The following CCPG1 variants were observed in gnomAD, a reference collection of about 807,000 sequenced individuals.
CCPG1 encodes the protein cell cycle progression protein 1.
In CCPG1, 46 loss-of-function variants were observed where a neutral mutation model predicts 81.3. That is an observed-to-expected ratio of 0.57 (90% CI 0.45 to 0.72). CCPG1 has a LOEUF of 0.72. Ranked by LOEUF, CCPG1 falls within the 30% of genes least tolerant of loss-of-function variation. The pLI, the probability that CCPG1 is intolerant of heterozygous loss-of-function variation, is 0.00. For synonymous variants in CCPG1, 330 were observed against 305.2 expected, an observed-to-expected ratio of 1.08 and a Z score of -0.85; for missense variants, 902 against 937.6, an observed-to-expected ratio of 0.96 and a Z score of 0.50.
chr15:55,365,429 T>C (rs563100707), intron 6 of CCPG1, 120 bp from the exon 7 acceptor site: 3 of 639,356 alleles, frequency 4.7e-6, no homozygotes, highest in East Asian at 6.4e-5. Flanking sequence ...GTTTTTTTTT[T>C]TTGTTTTTTT....
chr15:55,358,098 C>G (rs1319194500), intron 8 of CCPG1: 1 of 152,382 alleles, frequency 6.6e-6, no homozygotes, highest in Non-Finnish European at 1.5e-5. Flanking sequence ...TTAATAATGA[C>G]CCCAAAATAC....
intron 5 of CCPG1, among the ~76,000 whole-genome samples, chr15:55,374,486 C>T (rs201962526): frequency 6.6e-6 from 1 of 151,766 alleles, no homozygotes; most frequent in South Asian, 2.1e-4. Context: ...CTTAACCCAA[C>T]AAAACGTACA....
At chr15:55,357,216 A>G in intron 8 of CCPG1, 1 of 893,132 alleles carries the variant, frequency 1.1e-6, no homozygotes, top group African/African-American at 2.1e-5. Flanking sequence ...TGAATTCCCT[A>G]TCTCAGTGGT....
At chr15:55,366,059 T>C (rs2056320640) in intron 6 of CCPG1, among the ~76,000 whole-genome samples, 1 of 152,224 alleles carries the variant, frequency 6.6e-6, no homozygotes, top group Non-Finnish European at 1.5e-5. Flanking sequence ...AAAACATTTA[T>C]TTACATACAC....
chr15:55,378,384 A>G lies in CCPG1; in HGVS notation c.176-8T>C. The G allele has an allele frequency of 1.3e-6, 2 of 1,573,366 alleles. No individual in the cohort carries two copies. Among genetic ancestry groups the G allele is most frequent in the Middle Eastern group, 1.9e-4 (1 of 5,336 alleles). Reference sequence around the variant, plus strand: ...TGCCATTTTGGCTGCTTTCTGATATAAAGCAAAGATCAATATAATTATTTC... The same window carrying G: ...TGCCATTTTGGCTGCTTTCTGATATGAAGCAAAGATCAATATAATTATTTC... On this transcript the variant is annotated splice_polypyrimidine_tract_variant and splice_region_variant and intron_variant, in intron 3 of 8. Transcript: ENST00000442196.
intron 5 of CCPG1, 133 bp downstream of exon 5, chr15:55,376,816 C>A (rs2056575566): frequency 1.5e-6 from 1 of 657,376 alleles, no homozygotes; most frequent in African/African-American, 1.8e-5. Flanking sequence ...ATTTCACACA[C>A]AAAAATAGTC....
At chr15:55,381,635 C>A (rs140966390) in intron 3 of CCPG1, among the ~76,000 whole-genome samples, 2 of 152,254 alleles carry the variant, frequency 1.3e-5, no homozygotes, top group East Asian at 3.9e-4. Flanking sequence ...CTATTTCTGG[C>A]CTTGACACAT....
chr15:55,399,363 C>G lies in CCPG1; in HGVS notation c.-10+8858G>C, dbSNP rs76887460. Among the ~76,000 whole-genome samples, 1,133 of 141,904 alleles carry G rather than the reference C, an allele frequency of 8.0e-3. 13 individuals carry two copies. Among genetic ancestry groups the G allele is most frequent in the African/African-American group, 0.026 (956 of 37,418 alleles). 93.1% of individuals were successfully genotyped at this position (141,904 alleles called of 152,430 possible). ...AAAAGATCAACTGTCAGGTCGGGTA[C>G]AGTTCCAGATTAGCCTGGCCAACAT... On this transcript the variant is annotated intron_variant, in intron 1 of 8. Transcript: ENST00000442196.
At chr15:55,387,125 G>A (rs1173970025) in intron 2 of CCPG1, among the ~76,000 whole-genome samples, 1 of 152,126 alleles carries the variant, frequency 6.6e-6, no homozygotes, top group Admixed American at 6.6e-5. Flanking sequence ...AGTAGAACCT[G>A]GAAAGCAGAT....
At position 55,371,950 on chromosome 15, in the gene CCPG1, C is replaced by T; in HGVS notation, c.549G>A (p.Lys183=). 6.2e-7 allele frequency: 1 copy of T among 1,614,196 alleles called. No individual in the cohort carries two copies. Among genetic ancestry groups the T allele is most frequent in the Non-Finnish European group, 8.5e-7 (1 of 1,180,024 alleles). ...CTTCAGATTCTGAAGCAGAAACGGT[C>T]TTCTTCCTAGCACGGCGTCGTCTAA... ...PAFRRRRARK[K]TVSASESEDR... The change falls in exon 6 of 9, where the codon AAG becomes AAA. Residue 183 remains lysine, a synonymous_variant. Coordinates refer to ENST00000442196, the MANE Select transcript of CCPG1 (RefSeq NM_001204450.2).
intron 1 of CCPG1, chr15:55,398,293 A>G (rs1422299433): frequency 6.6e-6 from 1 of 152,116 alleles, no homozygotes. Context: ...TTCCATTACC[A>G]TTATATCTTC....
At chr15:55,403,109 T>TA (rs1273803928) in intron 1 of CCPG1, among the ~76,000 whole-genome samples, 1 of 152,220 alleles carries the variant, frequency 6.6e-6, no homozygotes, top group Non-Finnish European at 1.5e-5. Context: ...GTGCTTTATG[T>TA]AAATGCACTT....
chr15:55,407,191 G>A (rs2057250930), intron 1 of CCPG1, among the ~76,000 whole-genome samples: 1 of 149,928 alleles, frequency 6.7e-6, no homozygotes, highest in Non-Finnish European at 1.5e-5. Flanking sequence ...TCGCGCCACT[G>A]CACTCCAGCC....
intron 2 of CCPG1, among the ~76,000 whole-genome samples, chr15:55,387,144 A>C (rs1296511908): frequency 6.6e-6 from 1 of 152,214 alleles, no homozygotes; most frequent in African/African-American, 2.4e-5. Flanking sequence ...ATATAGAAGA[A>C]GAGAGATAAA....
intron 5 of CCPG1, chr15:55,374,139 G>A: frequency 7.8e-7 from 1 of 1,277,810 alleles, no homozygotes; most frequent in South Asian, 1.2e-5. Flanking sequence ...AAGCTGGTCA[G>A]ATTTAGTCAC....
At position 55,355,655 on chromosome 15, in the gene CCPG1, A is replaced by C; in HGVS notation, c.*565T>G. ...AGACCTTTAGTTTTCCTCATGGTGT[A>C]GTTTTATTGTTTCTTCCACGATATT... On this transcript the variant is annotated 3_prime_UTR_variant, in exon 9 of 9. Transcript: ENST00000442196. 1 of 361,344 alleles carries C rather than the reference A, an allele frequency of 2.8e-6. No homozygotes were observed. The highest frequency in any genetic ancestry group is 7.5e-4 in the Middle Eastern group (1 of 1,326). 22.4% of individuals were successfully genotyped at this position (361,344 alleles called of 1,614,324 possible). A position where few individuals can be genotyped will look rare whatever the true frequency, so the allele number is the denominator to read the frequency against.
intron 8 of CCPG1, chr15:55,357,195 GC>G: frequency 1.1e-6 from 1 of 918,708 alleles, no homozygotes; most frequent in South Asian, 5.0e-5. Flanking sequence ...AATTACCCTT[GC>G]CCCAAACCTT....
chr15:55,377,038 A>T lies in CCPG1; in HGVS notation c.365T>A (p.Val122Asp), dbSNP rs768951359. 3.6e-5 allele frequency: 58 copies of T among 1,613,764 alleles called. No individual in the cohort carries two copies. The highest frequency in any genetic ancestry group is 4.8e-5 in the Non-Finnish European group (57 of 1,179,878). ...PKLEEIGNQEVVIVEEAQSSE... is the reference protein window; with the variant it reads ...PKLEEIGNQEDVIVEEAQSSE... ...ACTCTGTGCTTCTTCAACAATGACA[A>T]CTTCTTGATTTCCAATTTCTTCTAA... Residue 122 changes from valine to aspartate, a missense_variant, in exon 5 of 9, where the codon GTT becomes GAT. Around this residue, in one of 3 missense-constraint regions of CCPG1, gnomAD observed 746 missense variants for 728.6 expected, o/e 1.02. Transcript: ENST00000442196.
intron 6 of CCPG1, among the ~76,000 whole-genome samples, chr15:55,369,449 T>G (rs191368048): frequency 2.0e-5 from 3 of 151,634 alleles, no homozygotes; most frequent in African/African-American, 4.8e-5. Flanking sequence ...GCAGGAGAAT[T>G]GCTTGAACCC....
Sources: gnomAD v4.1 joint callset for allele counts (sites outside exome capture counted in the v4.1 genomes callset) on GRCh38, gnomAD v4.1.1 for gene constraint, gnomAD v4.1.1 regional missense constraint, MANE v1.5 for transcripts, NCBI Gene and HGNC (gene_info 2026-07-23, HGNC 2026-07-21) for gene names.